CDH13: variants seen among roughly 807,000 people sequenced by gnomAD.
CDH13 encodes cadherin 13, also known as cadherin-13.
In CDH13, 24 loss-of-function variants were observed where a neutral mutation model predicts 63.8. The ratio of observed to expected loss-of-function variants is 0.38; its 90% CI spans 0.27 to 0.53. The LOEUF (loss-of-function observed/expected upper bound fraction) is 0.53. Among genes scored for constraint, CDH13 ranks in the 20% least tolerant of loss-of-function variants. The pLI is 0.85. For synonymous variants in CDH13, 503 were observed against 355.3 expected, an observed-to-expected ratio of 1.42 and a Z score of -4.67; for missense variants, 1,049 against 903.1, an observed-to-expected ratio of 1.16 and a Z score of -2.07.
chr16:82,716,300 G>A lies in CDH13; in HGVS notation c.45+89163G>A, dbSNP rs74028571. Among the ~76,000 whole-genome samples, 513 of 152,198 alleles carry A rather than the reference G, an allele frequency of 3.4e-3. 2 individuals are homozygous for A. The highest frequency in any genetic ancestry group is 0.012 in the African/African-American group (492 of 41,520). ...GAAACTAACAGCCCATCCCGAGCCT[G>A]CTTTTCCATGGGAAAGGTGGTGGGA... is the stretch of plus-strand genomic sequence containing the variant. On this transcript the variant is annotated intron_variant, in intron 1 of 13. Coordinates refer to ENST00000567109, the MANE Select transcript of CDH13 (RefSeq NM_001257.5).
At chr16:82,740,089 C>G (rs372959504) in intron 1 of CDH13, among the ~76,000 whole-genome samples, 3 of 152,136 alleles carry the variant, frequency 2.0e-5, no homozygotes, top group Non-Finnish European at 4.4e-5. Context: ...TTAAAACCTC[C>G]GTGCCACTCA....
At chr16:83,441,546 A>C (rs2151495756) in intron 6 of CDH13, among the ~76,000 whole-genome samples, 1 of 152,356 alleles carries the variant, frequency 6.6e-6, no homozygotes, top group Non-Finnish European at 1.5e-5. Context: ...TTTTTATGAT[A>C]AATGAGGAAA....
chr16:82,817,772 T>C (rs1224809352), intron 1 of CDH13, among the ~76,000 whole-genome samples: 1 of 152,140 alleles, frequency 6.6e-6, no homozygotes. Context: ...ACCACTGCAC[T>C]TCAGCCTGGG....
intron 10 of CDH13, among the ~76,000 whole-genome samples, chr16:83,687,478 G>T (rs1041477627): frequency 1.3e-5 from 2 of 152,044 alleles, no homozygotes; most frequent in Admixed American, 6.6e-5. Context: ...ACCAGATCAC[G>T]CAAGAACTCA....
intron 6 of CDH13, among the ~76,000 whole-genome samples, chr16:83,368,225 C>T (rs567955785): frequency 2.6e-5 from 4 of 152,180 alleles, no homozygotes; most frequent in Admixed American, 6.5e-5. Flanking sequence ...TACTGGAGCC[C>T]AACATTCATA....
Position 82,878,680 on chromosome 16 carries a change from C to CG in CDH13, c.157+20212dup, listed in dbSNP as rs2040588419. Among the ~76,000 whole-genome samples, 8 of 150,850 alleles carry CG rather than the reference C, an allele frequency of 5.3e-5. No homozygotes were observed. The South Asian group carries it at 1.7e-3, about 32-fold the overall frequency. On this transcript the variant is annotated intron_variant, in intron 2 of 13. Transcript: ENST00000567109. The stretch of plus-strand genomic sequence containing the variant: ...TGGGGCATGGTTGTTGGTCCAATGG[C>CG]GGGGGTTGGGGAGACACAAGCAGTT...
chr16:83,487,979 T>C (rs1005937588), intron 7 of CDH13, among the ~76,000 whole-genome samples: 15 of 152,262 alleles, frequency 9.9e-5, no homozygotes, highest in Admixed American at 2.6e-4. Flanking sequence ...GTAGCCATCA[T>C]ATAGCAGTTG....
chr16:83,785,440 G>A (rs538104133), intron 13 of CDH13, among the ~76,000 whole-genome samples: 26 of 152,256 alleles, frequency 1.7e-4, no homozygotes, highest in South Asian at 4.1e-4. Context: ...GCCCACCCTC[G>A]TAGTACCATC....
chr16:83,432,048 G>C (rs1161217927), intron 6 of CDH13, among the ~76,000 whole-genome samples: 1 of 152,152 alleles, frequency 6.6e-6, no homozygotes, highest in Non-Finnish European at 1.5e-5. Flanking sequence ...AGAGAAACCA[G>C]GTAGAAGGCT....
At chr16:83,551,056 A>ATATCTATC (rs61159679) in intron 7 of CDH13, among the ~76,000 whole-genome samples, 31,122 of 147,792 alleles carry the variant, frequency 0.21, 3,374 homozygotes, top group East Asian at 0.23. Context: ...TAAGTCATTT[A>ATATCTATC]TATCTATCTA....
intron 1 of CDH13, among the ~76,000 whole-genome samples, chr16:82,854,455 A>C (rs1002472419): frequency 7.9e-5 from 12 of 152,166 alleles, no homozygotes; most frequent in South Asian, 2.1e-4. Context: ...CAGTAACTAG[A>C]ACATTCTACT....
intron 1 of CDH13, among the ~76,000 whole-genome samples, chr16:82,641,026 G>C (rs1313776146): frequency 6.6e-6 from 1 of 152,222 alleles, no homozygotes; most frequent in Non-Finnish European, 1.5e-5. Context: ...AGTGGGGAGA[G>C]TGAGACCAAG....
intron 2 of CDH13, among the ~76,000 whole-genome samples, chr16:82,881,073 T>A (rs11150512): frequency 0.26 from 39,658 of 152,120 alleles, 6,679 homozygotes; most frequent in East Asian, 0.82. Context: ...TTTATAACAT[T>A]CATTTTCAGT....
At position 83,453,870 on chromosome 16, in the gene CDH13, C is replaced by T. The variant is rs117069656; in HGVS notation, c.782-32607C>T. The stretch of plus-strand genomic sequence containing the variant: ...CCATATGTGCCTGATAATGACCCTG[C>T]CTTTGTAGTCCATGGTCAAAAGCTT... On this transcript the variant is annotated intron_variant, in intron 6 of 13. Coordinates refer to ENST00000567109, the MANE Select transcript of CDH13 (RefSeq NM_001257.5). Among the ~76,000 whole-genome samples the T allele has an allele frequency of 5.6e-4, 86 of 152,334 alleles. No individual in the cohort carries two copies. The East Asian group carries it at 0.016, about 28-fold the overall frequency.
chr16:83,065,271 C>G (rs1015653696), intron 3 of CDH13, among the ~76,000 whole-genome samples: 1 of 152,136 alleles, frequency 6.6e-6, no homozygotes, highest in Non-Finnish European at 1.5e-5. Flanking sequence ...AGAAGAAAAA[C>G]CAGGACAGTG....
chr16:83,737,587 A>G (rs1911656459), intron 10 of CDH13, among the ~76,000 whole-genome samples: 1 of 152,168 alleles, frequency 6.6e-6, no homozygotes, highest in Non-Finnish European at 1.5e-5. Context: ...AGGAAAGCCC[A>G]GCTGTGGGAC....
chr16:83,276,537 G>A (rs879596696), intron 5 of CDH13, among the ~76,000 whole-genome samples: 1 of 152,172 alleles, frequency 6.6e-6, no homozygotes. Flanking sequence ...AGTTTCCCAT[G>A]GCTGGGGAGG....
At chr16:83,370,997 C>G (rs2091356191) in intron 6 of CDH13, among the ~76,000 whole-genome samples, 1 of 152,178 alleles carries the variant, frequency 6.6e-6, no homozygotes, top group Admixed American at 6.5e-5. Flanking sequence ...CCATCTCACA[C>G]CAGTCAGAAT....
intron 13 of CDH13, among the ~76,000 whole-genome samples, chr16:83,792,517 G>T (rs549975299): frequency 1.3e-4 from 20 of 152,230 alleles, no homozygotes; most frequent in Non-Finnish European, 2.6e-4. Context: ...GGAGACAGTT[G>T]AAATGTCTAG....
Sources: allele counts gnomAD v4.1 joint callset (sites outside exome capture counted in the v4.1 genomes callset), GRCh38; gene constraint gnomAD v4.1.1; transcripts MANE v1.5; gene names NCBI Gene and HGNC (gene_info 2026-07-23, HGNC 2026-07-21).